CSPP1: variants seen among roughly 807,000 people sequenced by gnomAD.
CSPP1 encodes the protein centrosome and spindle pole-associated protein 1.
CSPP1 carries 126 observed loss-of-function variants against 164.4 expected under a neutral mutation model. The ratio of observed to expected loss-of-function variants is 0.77; its 90% CI spans 0.66 to 0.89. CSPP1 has a LOEUF of 0.89. Ranked by LOEUF, CSPP1 falls within the 40% of genes least tolerant of loss-of-function variation. The pLI is 0.00. For missense variants in CSPP1, 1,395 were observed against 1,449.8 expected (o/e 0.96, Z 0.61); for synonymous variants, 472 against 476.7 (o/e 0.99, Z 0.13).
At chr8:67,112,267 AGTGAGAGTAT>A (rs1451151307) in intron 10 of CSPP1, among the ~76,000 whole-genome samples, 2 of 150,880 alleles carry the variant, frequency 1.3e-5, no homozygotes, top group East Asian at 3.9e-4. Flanking sequence ...ATAAGTAGCA[AGTGAGAGTAT>A]TTATATATTC....
intron 24 of CSPP1, among the ~76,000 whole-genome samples, chr8:67,169,199 C>T (rs1390935079): frequency 6.6e-6 from 1 of 152,078 alleles, no homozygotes; most frequent in Non-Finnish European, 1.5e-5. Context: ...ACTGAAGCAG[C>T]AGTAGGTATT....
intron 1 of CSPP1, among the ~76,000 whole-genome samples, chr8:67,068,400 C>A (rs1161973592): frequency 1.3e-5 from 2 of 152,162 alleles, no homozygotes; most frequent in East Asian, 3.8e-4. Context: ...TACACAGCTA[C>A]TGGAGAAATA....
chr8:67,157,376 A>T (rs1369547382), intron 19 of CSPP1, among the ~76,000 whole-genome samples: 1 of 151,752 alleles, frequency 6.6e-6, no homozygotes, highest in African/African-American at 2.4e-5. Flanking sequence ...GCTCACTGCA[A>T]CCTCTGCCTC....
Position 67,095,899 on chromosome 8 carries a change from C to T in CSPP1, c.923+167C>T, listed in dbSNP as rs564820189. 1.3e-4 allele frequency among the ~76,000 whole-genome samples: 20 copies of T among 152,166 alleles called. 1 individual carries two copies. The highest frequency in any genetic ancestry group is 4.8e-4 in the African/African-American group (20 of 41,506). On this transcript the variant is annotated intron_variant, in intron 7 of 30. Transcript: ENST00000678616. ...AGATGCATCATTATTTTATGTCCCA[C>T]TGAGGGGAAAAAGAAAACACTCAAG...
intron 3 of CSPP1, among the ~76,000 whole-genome samples, chr8:67,084,803 T>C (rs1044631441): frequency 2.0e-5 from 3 of 152,000 alleles, no homozygotes; most frequent in Non-Finnish European, 4.4e-5. Context: ...TTTAATACTA[T>C]AGTATTATGT....
rs1042152627 is a variant in CSPP1, at chr8:67,087,206, A to T, written c.303+1096A>T. ...ACAGTAAGATTAATAGAGTAGTAGA[A>T]TATCCAAGATATTTGAACTACATGT... On this transcript the variant is annotated intron_variant, in intron 4 of 30. Coordinates refer to ENST00000678616, the MANE Select transcript of CSPP1 (RefSeq NM_001382391.1). Among the ~76,000 whole-genome samples, 8 of 152,110 alleles carry T rather than the reference A, an allele frequency of 5.3e-5. 1 individual carries two copies. The highest frequency in any genetic ancestry group is 1.9e-4 in the African/African-American group (8 of 41,402).
At position 67,195,768 on chromosome 8, in the gene CSPP1, T is replaced by G. The variant is rs1941078844; in HGVS notation, c.*175T>G. On this transcript the variant is annotated 3_prime_UTR_variant, in exon 31 of 31. Coordinates refer to ENST00000678616, the MANE Select transcript of CSPP1 (RefSeq NM_001382391.1). Reference sequence around the variant, plus strand: ...ATGTACATAAATAAAAGGCCATGATTATTGATTTATATAATAGAATTGTAT... The same window carrying G: ...ATGTACATAAATAAAAGGCCATGATGATTGATTTATATAATAGAATTGTAT... 1 of 591,926 alleles carries G rather than the reference T, an allele frequency of 1.7e-6. No individual in the cohort carries two copies. The highest frequency in any genetic ancestry group is 3.1e-5 in the Admixed American group (1 of 32,726). 36.7% of individuals were successfully genotyped at this position (591,926 alleles called of 1,614,324 possible).
chr8:67,113,644 T>C (rs1321558100), intron 10 of CSPP1, among the ~76,000 whole-genome samples, 161 bp from the exon 11 acceptor site: 1 of 152,220 alleles, frequency 6.6e-6, no homozygotes, highest in Non-Finnish European at 1.5e-5. Context: ...TAAAAAAATT[T>C]GGCTTTCAGT....
chr8:67,095,200 A>G, intron 6 of CSPP1, 93 bp from the exon 7 acceptor site: 1 of 645,868 alleles, frequency 1.5e-6, no homozygotes, highest in Non-Finnish European at 2.5e-6. Flanking sequence ...CAGAGTTGAA[A>G]TGATAGACTA....
At chr8:67,112,590 A>G (rs905416724) in intron 10 of CSPP1, among the ~76,000 whole-genome samples, 9 of 152,064 alleles carry the variant, frequency 5.9e-5, no homozygotes, top group African/African-American at 2.2e-4. Flanking sequence ...TCTCGTATTC[A>G]CTTCATACGA....
chr8:67,143,506 A>T (rs1823909472), intron 17 of CSPP1, among the ~76,000 whole-genome samples: 1 of 152,100 alleles, frequency 6.6e-6, no homozygotes, highest in Admixed American at 6.5e-5. Context: ...TTAACTTTAT[A>T]GATAATATTG....
At chr8:67,120,354 G>C (rs1818734038) in intron 15 of CSPP1, among the ~76,000 whole-genome samples, 1 of 152,092 alleles carries the variant, frequency 6.6e-6, no homozygotes, top group Admixed American at 6.6e-5. Flanking sequence ...TGGATCCCTG[G>C]AGATTCCATA....
At chr8:67,139,436 G>A (rs1236471328) in intron 17 of CSPP1, among the ~76,000 whole-genome samples, 13 of 152,016 alleles carry the variant, frequency 8.6e-5, no homozygotes, top group Non-Finnish European at 1.9e-4. Flanking sequence ...TCAGTGTGGC[G>A]ATTCCTCAGG....
chr8:67,163,667 A>C lies in CSPP1; in HGVS notation c.2644-65A>C, dbSNP rs371206096. Reference sequence around the variant, plus strand: ...TTACATATAAATACTTCAAAAAATTACTCCCTTCAAGCTTCTGTGTAGGGA... The same window carrying C: ...TTACATATAAATACTTCAAAAAATTCCTCCCTTCAAGCTTCTGTGTAGGGA... On this transcript the variant is annotated intron_variant, in intron 22 of 30. Transcript: ENST00000678616. 2.0e-5 allele frequency: 24 copies of C among 1,171,116 alleles called. No individual in the cohort carries two copies. In the African/African-American group the frequency reaches 2.5e-4, roughly 12 times the overall value. 72.5% of individuals were successfully genotyped at this position (1,171,116 alleles called of 1,614,324 possible). A position where few individuals can be genotyped will look rare whatever the true frequency, so the allele number is the denominator to read the frequency against.
intron 28 of CSPP1, among the ~76,000 whole-genome samples, chr8:67,189,982 T>C (rs553365888): frequency 1.3e-5 from 2 of 152,274 alleles, no homozygotes; most frequent in African/African-American, 4.8e-5. Flanking sequence ...TGTGGGGAAA[T>C]TGGAACCCTC....
At chr8:67,159,248 T>C in intron 21 of CSPP1, 111 bp downstream of exon 21, 1 of 1,003,402 alleles carries the variant, frequency 1.0e-6, no homozygotes, top group Non-Finnish European at 1.5e-6. Flanking sequence ...CTTTTGTTCC[T>C]GTTCTGTCTT....
chr8:67,164,333 G>T, intron 23 of CSPP1, 58 bp from the exon 24 acceptor site: 1 of 808,234 alleles, frequency 1.2e-6, no homozygotes, highest in Non-Finnish European at 2.1e-6. Context: ...GTGTTTTAAT[G>T]TTTAGTCTTT....
At chr8:67,084,199 G>A (rs1011513135) in intron 3 of CSPP1, 3 of 152,170 alleles carry the variant, frequency 2.0e-5, no homozygotes, top group Non-Finnish European at 4.4e-5. Context: ...CCAAGCATAT[G>A]GAATGCTTTA....
At chr8:67,113,332 C>T (rs1817262036) in intron 10 of CSPP1, among the ~76,000 whole-genome samples, 1 of 152,036 alleles carries the variant, frequency 6.6e-6, no homozygotes, top group Admixed American at 6.6e-5. Context: ...TAGTTTTTGC[C>T]TTTTTTCCCT....
Sources: gnomAD v4.1 joint callset for allele counts (sites outside exome capture counted in the v4.1 genomes callset) on GRCh38, gnomAD v4.1.1 for gene constraint, MANE v1.5 for transcripts, NCBI Gene and HGNC (gene_info 2026-07-23, HGNC 2026-07-21) for gene names.